The following ADAMTS18 variants were observed in gnomAD, a reference collection of about 807,000 sequenced individuals.
ADAMTS18 encodes the protein A disintegrin and metalloproteinase with thrombospondin motifs 18.
In ADAMTS18, 157 loss-of-function variants were observed where a neutral mutation model predicts 165.9. The ratio of observed to expected loss-of-function variants is 0.95; its 90% CI spans 0.83 to 1.08. ADAMTS18 has a LOEUF of 1.08. ADAMTS18 is among the 50% of genes least tolerant of loss of function. The pLI, the probability that ADAMTS18 is intolerant of heterozygous loss-of-function variation, is 0.00. For synonymous variants in ADAMTS18, 782 were observed against 578.2 expected, an observed-to-expected ratio of 1.35 and a Z score of -5.06; for missense variants, 2,040 against 1,534.0, an observed-to-expected ratio of 1.33 and a Z score of -5.51.
chr16:77,342,498 C>T (rs567981642), intron 10 of ADAMTS18, among the ~76,000 whole-genome samples: 2 of 152,038 alleles, frequency 1.3e-5, no homozygotes, highest in South Asian at 2.1e-4. Flanking sequence ...GCTTTGTGGC[C>T]CAGTCTCATC....
chr16:77,369,051 A>G (rs1030870891), intron 3 of ADAMTS18, among the ~76,000 whole-genome samples: 2 of 152,160 alleles, frequency 1.3e-5, no homozygotes, highest in Non-Finnish European at 2.9e-5. Flanking sequence ...GGAAAGTGTA[A>G]TCTGCAGACT....
At chr16:77,357,967 A>C (rs1368960922) in intron 8 of ADAMTS18, among the ~76,000 whole-genome samples, 1 of 152,166 alleles carries the variant, frequency 6.6e-6, no homozygotes, top group Non-Finnish European at 1.5e-5. Context: ...AAGATAATGA[A>C]ATTTTTCAAT....
chr16:77,352,077 T>C (rs12597784), intron 10 of ADAMTS18, among the ~76,000 whole-genome samples: 13,229 of 152,186 alleles, frequency 0.087, 779 homozygotes, highest in East Asian at 0.25. Context: ...TTTCTGAAAG[T>C]AAGCTCCATG....
chr16:77,378,464 C>T (rs1238122092), intron 3 of ADAMTS18, among the ~76,000 whole-genome samples: 1 of 152,088 alleles, frequency 6.6e-6, no homozygotes, highest in African/African-American at 2.4e-5. Context: ...CCTGTAATCC[C>T]AGCATGTTGG....
At position 77,377,912 on chromosome 16, in the gene ADAMTS18, A is replaced by G. The variant is rs536999978; in HGVS notation, c.496-10189T>C. Among the ~76,000 whole-genome samples the G allele has an allele frequency of 2.0e-5, 3 of 152,340 alleles. No individual in the cohort carries two copies. In the South Asian group the frequency reaches 6.2e-4, roughly 32 times the overall value. On this transcript the variant is annotated intron_variant, in intron 3 of 22. Transcript: ENST00000282849. ...TAATCAATATGAAATAGAAATTCAT[A>G]GTCCAGGGGCTGGGGTGAGGATGGA...
intron 3 of ADAMTS18, among the ~76,000 whole-genome samples, chr16:77,375,746 T>A (rs987432475): frequency 6.6e-6 from 1 of 152,142 alleles, no homozygotes; most frequent in Non-Finnish European, 1.5e-5. Flanking sequence ...TACCTGAGAA[T>A]TGGGTATTTA....
chr16:77,321,083 T>A lies in ADAMTS18; in HGVS notation c.2283A>T (p.Ala761=), dbSNP rs780946361. The A allele has an allele frequency of 6.2e-7, 1 of 1,614,212 alleles. No individual in the cohort carries two copies. The highest frequency in any genetic ancestry group is 1.7e-5 in the Admixed American group (1 of 60,026). ...YKGLYLNQHK[A]NEYYPVVLIP... ...ACAAACAGCAGCATCTCTCACCATT[T>A]GCTTTATGCTGGTTGAGGTACAGGC... is the stretch of plus-strand genomic sequence containing the variant. The change falls in exon 15 of 23, where the codon GCA becomes GCT. Residue 761 remains alanine, a synonymous_variant. Transcript: ENST00000282849.
intron 3 of ADAMTS18, among the ~76,000 whole-genome samples, chr16:77,401,722 A>G (rs906204421): frequency 3.0e-4 from 45 of 152,348 alleles, no homozygotes; most frequent in African/African-American, 1.1e-3. Context: ...AAGAGGATTC[A>G]CCCTCACTGA....
At chr16:77,285,319 C>G (rs1328055393) in intron 22 of ADAMTS18, among the ~76,000 whole-genome samples, 2 of 152,076 alleles carry the variant, frequency 1.3e-5, no homozygotes, top group Middle Eastern at 3.2e-3. Flanking sequence ...ATTACAGGCA[C>G]CCACCACCAC....
intron 11 of ADAMTS18, among the ~76,000 whole-genome samples, chr16:77,341,261 G>A (rs183584755): frequency 5.9e-5 from 9 of 152,302 alleles, no homozygotes; most frequent in Admixed American, 3.3e-4. Flanking sequence ...CACTGTACAT[G>A]ATGGGAATCT....
At chr16:77,303,354 T>G (rs1198217717) in intron 16 of ADAMTS18, among the ~76,000 whole-genome samples, 4 of 152,230 alleles carry the variant, frequency 2.6e-5, no homozygotes, top group African/African-American at 9.6e-5. Flanking sequence ...CTACTTGGCA[T>G]CTCCACTTGA....
At chr16:77,352,191 C>T (rs1013826881) in intron 10 of ADAMTS18, among the ~76,000 whole-genome samples, 5 of 152,112 alleles carry the variant, frequency 3.3e-5, no homozygotes, top group African/African-American at 1.2e-4. Context: ...CCATCTCAAA[C>T]CTATGATTTG....
At chr16:77,427,271 G>C (rs1265814716) in intron 3 of ADAMTS18, among the ~76,000 whole-genome samples, 3 of 152,168 alleles carry the variant, frequency 2.0e-5, no homozygotes, top group Admixed American at 1.3e-4. Context: ...GGATCACTAA[G>C]ACAGATGATT....
At chr16:77,354,673 A>C (rs1471241960) in intron 9 of ADAMTS18, among the ~76,000 whole-genome samples, 2 of 152,200 alleles carry the variant, frequency 1.3e-5, no homozygotes, top group Non-Finnish European at 2.9e-5. Context: ...ACAGCTCATG[A>C]GTGACAATGA....
At chr16:77,434,566 C>T in intron 1 of ADAMTS18, 40 bp downstream of exon 1, 1 of 1,530,854 alleles carries the variant, frequency 6.5e-7, no homozygotes, top group Non-Finnish European at 8.7e-7. Flanking sequence ...TCGGGCGCCC[C>T]CTGCCACCCG....
chr16:77,311,189 G>A (rs2055773361), intron 16 of ADAMTS18, among the ~76,000 whole-genome samples: 1 of 152,134 alleles, frequency 6.6e-6, no homozygotes, highest in Admixed American at 6.5e-5. Context: ...TCATCATAAG[G>A]ACTTAGTGAA....
At chr16:77,310,638 CT>C (rs11323023) in intron 16 of ADAMTS18, among the ~76,000 whole-genome samples, 44,040 of 149,314 alleles carry the variant, frequency 0.29, 6,938 homozygotes, top group East Asian at 0.62. Flanking sequence ...ACCTTTTTTT[CT>C]TTTTTTTTTG....
chr16:77,384,923 T>C (rs995049657), intron 3 of ADAMTS18, among the ~76,000 whole-genome samples: 10 of 152,046 alleles, frequency 6.6e-5, no homozygotes, highest in Non-Finnish European at 1.5e-4. Context: ...TTTTTTTTTT[T>C]TTCTGAGACA....
intron 10 of ADAMTS18, among the ~76,000 whole-genome samples, chr16:77,346,038 T>C (rs1299581825): frequency 6.6e-6 from 1 of 152,156 alleles, no homozygotes; most frequent in Non-Finnish European, 1.5e-5. Context: ...AACACTCAAA[T>C]TTTGCTCCCA....
Sources: gnomAD v4.1 joint callset for allele counts (sites outside exome capture counted in the v4.1 genomes callset) on GRCh38, gnomAD v4.1.1 for gene constraint, MANE v1.5 for transcripts, NCBI Gene and HGNC (gene_info 2026-07-23, HGNC 2026-07-21) for gene names.